Variants in MGAT4C observed in about 807,000 individuals in gnomAD.
The protein encoded by MGAT4C is alpha-1,3-mannosyl-glycoprotein 4-beta-N-acetylglucosaminyltransferase C.
A neutral mutation model predicts 40.1 loss-of-function variants in MGAT4C; 19 were observed. The ratio of observed to expected loss-of-function variants is 0.47; its 90% CI spans 0.33 to 0.70. MGAT4C has a LOEUF of 0.70. MGAT4C is among the 30% of genes least tolerant of loss of function. The pLI, the probability that MGAT4C is intolerant of heterozygous loss-of-function variation, is 0.02. For synonymous variants in MGAT4C, 181 were observed against 187.1 expected (o/e 0.97, Z 0.27); for missense variants, 491 against 563.2 (o/e 0.87, Z 1.30).
At chr12:86,778,295 A>C (rs1006460895) in intron 1 of MGAT4C, among the ~76,000 whole-genome samples, 2 of 152,174 alleles carry the variant, frequency 1.3e-5, no homozygotes, top group African/African-American at 4.8e-5. Context: ...GATAACAAAA[A>C]AGGGAGAATA....
chr12:85,973,125 A>G lies in MGAT4C; in HGVS notation c.*6164T>C, dbSNP rs1883710247. 1 of 138,920 alleles carries G rather than the reference A, an allele frequency of 7.2e-6. No individual in the cohort carries two copies. Among genetic ancestry groups the G allele is most frequent in the Non-Finnish European group, 1.7e-5 (1 of 59,470 alleles). The allele number at this position is 138,920 out of a possible 1,614,324, so 8.6% of individuals were successfully genotyped here. On this transcript the variant is annotated 3_prime_UTR_variant, in exon 5 of 5. Coordinates refer to ENST00000611864, the MANE Select transcript of MGAT4C (RefSeq NM_001351288.2). ...TGATTGAGATATGTGGAACTGCCAC[A>G]TATCTCTGTGCCATACTTTTGGTAC...
intron 1 of MGAT4C, among the ~76,000 whole-genome samples, chr12:86,791,766 G>C (rs145559363): frequency 1.3e-5 from 2 of 152,230 alleles, no homozygotes; most frequent in Non-Finnish European, 2.9e-5. Context: ...AACTCATTGA[G>C]GAAATTTTAC....
At chr12:86,678,495 T>G (rs964238890) in intron 2 of MGAT4C, among the ~76,000 whole-genome samples, 13 of 151,730 alleles carry the variant, frequency 8.6e-5, no homozygotes, top group African/African-American at 1.9e-4. Context: ...TAGTTACATA[T>G]GTATACATGT....
intron 1 of MGAT4C, among the ~76,000 whole-genome samples, chr12:86,793,504 T>G (rs1160434758): frequency 6.6e-6 from 1 of 152,062 alleles, no homozygotes; most frequent in Non-Finnish European, 1.5e-5. Flanking sequence ...TGAATGAACA[T>G]TTTTACTAAA....
intron 1 of MGAT4C, among the ~76,000 whole-genome samples, chr12:86,230,543 A>C (rs1037194279): frequency 3.3e-5 from 5 of 152,186 alleles, no homozygotes; most frequent in Non-Finnish European, 7.4e-5. Context: ...CTTCCGGAGG[A>C]AACAAAATGT....
At chr12:85,987,458 A>ATCT (rs1355198972) in intron 3 of MGAT4C, among the ~76,000 whole-genome samples, 18 of 152,196 alleles carry the variant, frequency 1.2e-4, no homozygotes, top group African/African-American at 4.3e-4. Flanking sequence ...TTAAAAGCTA[A>ATCT]GAAGCAATCT....
Position 86,228,805 on chromosome 12 carries a change from T to A in MGAT4C, c.-57+27434A>T, listed in dbSNP as rs1356082018. Among the ~76,000 whole-genome samples the A allele has an allele frequency of 2.0e-5, 3 of 152,040 alleles. No homozygotes were observed. In the East Asian group the frequency reaches 5.8e-4, roughly 29 times the overall value. On this transcript the variant is annotated intron_variant, in intron 1 of 4. Transcript: ENST00000611864. ...ACAGTACTTAGATATTAACTACAGC[T>A]AGGAGAATTAATTCTTGTTAAGATC...
chr12:86,271,819 T>C (rs927237405), intron 4 of MGAT4C, among the ~76,000 whole-genome samples: 1 of 152,172 alleles, frequency 6.6e-6, no homozygotes, highest in African/African-American at 2.4e-5. Context: ...ATTCAGTCAT[T>C]AGAAAAGAAT....
Position 86,212,724 on chromosome 12 carries a change from T to TAA in MGAT4C, c.-57+43513_-57+43514dup, listed in dbSNP as rs63517761. ...TAAAACGGTGAAACCCCGTCTCTACTAAAAAAAAAAAAAAAAAATTAGCCG... is the reference window on the plus strand; with the variant it reads ...TAAAACGGTGAAACCCCGTCTCTACTAAAAAAAAAAAAAAAAAAAATTAGCCG... On this transcript the variant is annotated intron_variant, in intron 1 of 4. Coordinates refer to ENST00000611864, the MANE Select transcript of MGAT4C (RefSeq NM_001351288.2). Among the ~76,000 whole-genome samples, 284 of 107,864 alleles carry TAA rather than the reference T, an allele frequency of 2.6e-3. 3 individuals are homozygous for TAA. The highest frequency in any genetic ancestry group is 4.2e-3 in the Middle Eastern group (1 of 238). The allele number at this position is 107,864 out of a possible 152,430, so 70.8% of individuals were successfully genotyped here.
At chr12:86,486,147 T>C (rs1185931856) in intron 2 of MGAT4C, among the ~76,000 whole-genome samples, 21 of 152,142 alleles carry the variant, frequency 1.4e-4, no homozygotes, top group Admixed American at 1.2e-3. Context: ...TAAGTAATTA[T>C]GTAATCAAGT....
chr12:86,509,574 G>A (rs1958536005), intron 2 of MGAT4C, among the ~76,000 whole-genome samples: 1 of 152,084 alleles, frequency 6.6e-6, no homozygotes, highest in Non-Finnish European at 1.5e-5. Flanking sequence ...GAACTTTAAA[G>A]TAGTTTTTTC....
At chr12:86,811,545 T>C (rs1952474773) in intron 1 of MGAT4C, among the ~76,000 whole-genome samples, 1 of 151,058 alleles carries the variant, frequency 6.6e-6, no homozygotes. Context: ...TTTCACCATG[T>C]TGGCCAGGCT....
At chr12:86,104,442 G>GA (rs1190189203) in intron 1 of MGAT4C, among the ~76,000 whole-genome samples, 2 of 151,694 alleles carry the variant, frequency 1.3e-5, no homozygotes, top group Non-Finnish European at 2.9e-5. Context: ...CCTGTCTCAA[G>GA]AAAAAACAAA....
intron 3 of MGAT4C, among the ~76,000 whole-genome samples, chr12:86,421,742 A>C (rs1956830950): frequency 6.6e-6 from 1 of 152,196 alleles, no homozygotes; most frequent in African/African-American, 2.4e-5. Context: ...GCGCCACTGC[A>C]CTCCAGCCTG....
At chr12:86,484,347 G>T (rs889969014) in intron 2 of MGAT4C, among the ~76,000 whole-genome samples, 1 of 152,164 alleles carries the variant, frequency 6.6e-6, no homozygotes, top group Non-Finnish European at 1.5e-5. Flanking sequence ...TTTCCTGCAG[G>T]ACTGGGTACA....
intron 2 of MGAT4C, among the ~76,000 whole-genome samples, chr12:86,583,368 T>C (rs911719278): frequency 2.0e-5 from 3 of 151,336 alleles, no homozygotes; most frequent in African/African-American, 4.8e-5. Context: ...ATGACTTTTC[T>C]CAAAATAACA....
chr12:86,029,771 T>C (rs1199671920), intron 2 of MGAT4C, among the ~76,000 whole-genome samples: 2 of 151,932 alleles, frequency 1.3e-5, no homozygotes, highest in African/African-American at 4.8e-5. Context: ...AATTAGATCC[T>C]GTCTCAGAGT....
At chr12:86,588,734 C>T (rs1293751383) in intron 2 of MGAT4C, among the ~76,000 whole-genome samples, 25 of 152,028 alleles carry the variant, frequency 1.6e-4, no homozygotes, top group Admixed American at 1.6e-3. Flanking sequence ...AACTAGAACT[C>T]AGGATTAAGA....
At chr12:86,028,654 T>C (rs1393897934) in intron 2 of MGAT4C, among the ~76,000 whole-genome samples, 1 of 151,926 alleles carries the variant, frequency 6.6e-6, no homozygotes, top group Non-Finnish European at 1.5e-5. Context: ...TTGAGAAAGC[T>C]TTAGTAGAAC....
Sources: allele counts gnomAD v4.1 joint callset (sites outside exome capture counted in the v4.1 genomes callset), GRCh38; gene constraint gnomAD v4.1.1; transcripts MANE v1.5; gene names NCBI Gene and HGNC (gene_info 2026-07-23, HGNC 2026-07-21).